MGA: variants seen among roughly 807,000 people sequenced by gnomAD.
The protein encoded by MGA is MAX dimerization protein MGA.
In MGA, 40 loss-of-function variants were observed where a neutral mutation model predicts 261.1. That is an observed-to-expected ratio of 0.15 (90% CI 0.12 to 0.20). The LOEUF is 0.20. Ranked by LOEUF, MGA falls within the 10% of genes least tolerant of loss-of-function variation. The probability of loss-of-function intolerance (pLI) is 1.00; values close to 1 mark genes in which losing one functional copy is unlikely to be tolerated. For synonymous variants in MGA, 1,302 were observed against 1,290.6 expected (o/e 1.01, Z -0.19); for missense variants, 3,397 against 3,630.5 (o/e 0.94, Z 1.65).
rs374918982 is a variant in MGA, at chr15:41,696,680, C to G, written c.1670C>G (p.Ser557Cys). The G allele has an allele frequency of 6.3e-5, 102 of 1,612,666 alleles. No individual in the cohort carries two copies. Among genetic ancestry groups the G allele is most frequent in the Admixed American group, 3.3e-4 (20 of 59,712 alleles). ...CCTCAGTGGAAATATCCTGATATATCTGACAGCATTAGCACAGAAAGAATA... is the reference window on the plus strand; with the variant it reads ...CCTCAGTGGAAATATCCTGATATATGTGACAGCATTAGCACAGAAAGAATA... Residue 557 changes from serine to cysteine, a missense_variant, in exon 3 of 24, where the codon TCT (serine) becomes TGT (cysteine). By Grantham distance (112) the Ser-to-Cys change is moderately radical. This residue lies in a region of MGA where 563 missense variants were observed against 563.6 expected (regional missense o/e 1.00). Transcript: ENST00000219905.
rs763727604 is a variant in MGA, at chr15:41,727,163, C to T, written c.3431-17C>T. 1.3e-6 allele frequency: 2 copies of T among 1,597,246 alleles called. No homozygotes were observed. Among genetic ancestry groups the T allele is most frequent in the South Asian group, 1.1e-5 (1 of 88,910 alleles). The stretch of plus-strand genomic sequence containing the variant: ...TTGCCAAAAGTACCTAAAACCTTAC[C>T]CTTCTTTTTTGTTAAGCTATATGTG... On this transcript the variant is annotated splice_polypyrimidine_tract_variant and intron_variant, in intron 9 of 23. Coordinates refer to ENST00000219905, the MANE Select transcript of MGA (RefSeq NM_001164273.2).
upstream of MGA, among the ~76,000 whole-genome samples, chr15:41,656,682 C>A (rs953648055): frequency 6.6e-6 from 1 of 151,748 alleles, no homozygotes; most frequent in Admixed American, 6.6e-5. Context: ...GATTATATTC[C>A]GTAACATTTC....
Position 41,734,545 on chromosome 15 carries a change from C to G in MGA, c.3867C>G (p.Pro1289=). The change falls in exon 12 of 24, where the codon CCC becomes CCG. Residue 1289 remains proline, a synonymous_variant. Coordinates refer to ENST00000219905, the MANE Select transcript of MGA (RefSeq NM_001164273.2). ...AGGAACCTGATTCTGAACAGCAGCCCTTAAAACAACTCACCTGTGACTTGG... is the reference window on the plus strand; with the variant it reads ...AGGAACCTGATTCTGAACAGCAGCCGTTAAAACAACTCACCTGTGACTTGG... The G allele has an allele frequency of 6.2e-7, 1 of 1,608,878 alleles. No individual in the cohort carries two copies. Among genetic ancestry groups the G allele is most frequent in the East Asian group, 2.2e-5 (1 of 44,686 alleles).
At chr15:41,688,874 C>G (rs896237000) in intron 2 of MGA, among the ~76,000 whole-genome samples, 2 of 152,150 alleles carry the variant, frequency 1.3e-5, no homozygotes, top group Non-Finnish European at 2.9e-5. Context: ...GGTTTGGTTT[C>G]TCATGTCTCA....
In MGA at chr15:41,761,803, T is replaced by A; in HGVS notation, c.7463T>A (p.Leu2488Gln). 1 of 1,598,528 alleles carries A rather than the reference T, an allele frequency of 6.3e-7. No individual in the cohort carries two copies. Among genetic ancestry groups the A allele is most frequent in the African/African-American group, 1.3e-5 (1 of 74,848 alleles). Residue 2488 changes from leucine (L) to glutamine (Q), a missense_variant, in exon 21 of 24, where the codon CTG becomes CAG. Leu to Gln is a moderately radical substitution (Grantham distance 113, BLOSUM62 -2). Around this residue, in one of 9 missense-constraint regions of MGA, gnomAD observed 50 missense variants for 121.5 expected, o/e 0.41. Coordinates refer to ENST00000219905, the MANE Select transcript of MGA (RefSeq NM_001164273.2). ...AAATTGATAGGACAGAAAAATCTCC[T>A]GACTCGAAAACGGAATATTCTGATA...
intron 18 of MGA, 82 bp from the exon 19 acceptor site, chr15:41,757,706 G>A (rs1229023566): frequency 9.3e-7 from 1 of 1,073,322 alleles, no homozygotes; most frequent in South Asian, 1.6e-5. Flanking sequence ...GTTGTAATTT[G>A]GAATGGTTTG....
In MGA at chr15:41,750,136, C is replaced by T. The variant is rs747804918; in HGVS notation, c.6529C>T (p.His2177Tyr). Reference sequence around the variant, plus strand: ...GAAAGACAGGGAAAGATGGAGAAAACATCTGAAGGGCCCCTTAACCAGGAA... The same window carrying T: ...GAAAGACAGGGAAAGATGGAGAAAATATCTGAAGGGCCCCTTAACCAGGAA... Residue 2177 changes from histidine to tyrosine, a missense_variant, in exon 17 of 24, where the codon CAT becomes TAT. Around this residue, in one of 9 missense-constraint regions of MGA, gnomAD observed 1,410 missense variants for 1,386.4 expected, o/e 1.02. Coordinates refer to ENST00000219905, the MANE Select transcript of MGA (RefSeq NM_001164273.2). 3.7e-6 allele frequency: 6 copies of T among 1,613,692 alleles called. No homozygotes were observed. In the Admixed American group the frequency reaches 8.3e-5, roughly 22 times the overall value.
chr15:41,643,729 T>C (rs989707132), intron 1 of MGA, among the ~76,000 whole-genome samples: 21 of 152,152 alleles, frequency 1.4e-4, no homozygotes, highest in South Asian at 2.1e-4. Flanking sequence ...AGGATCTTTT[T>C]TTATCGTGTA....
In MGA at chr15:41,750,313, G is replaced by A; in HGVS notation, c.6706G>A (p.Val2236Ile). The stretch of plus-strand genomic sequence containing the variant: ...AAGTGGAATTACTGAAGATGCCAGA[G>A]TTTTGAAAACTGAATGTGATTCTTG... The change falls in exon 17 of 24, where the codon GTT (valine) becomes ATT (isoleucine). Residue 2236 changes from valine (V) to isoleucine (I), a missense_variant. Physicochemically the swap from Val to Ile is conservative, Grantham distance 29. This residue lies in a region of MGA where 1,410 missense variants were observed against 1,386.4 expected (regional missense o/e 1.02). Transcript: ENST00000219905. 2 of 1,614,036 alleles carry A rather than the reference G, an allele frequency of 1.2e-6. No individual in the cohort carries two copies. Among genetic ancestry groups the A allele is most frequent in the Non-Finnish European group, 1.7e-6 (2 of 1,179,894 alleles).
chr15:41,720,717 C>T (rs569934482), intron 9 of MGA, among the ~76,000 whole-genome samples: 1 of 152,196 alleles, frequency 6.6e-6, no homozygotes, highest in African/African-American at 2.4e-5. Flanking sequence ...CCTGTAATCC[C>T]AGCTACTCTG....
chr15:41,727,219 A>G lies in MGA; in HGVS notation c.3470A>G (p.Tyr1157Cys). The change falls in exon 10 of 24, where the codon TAC becomes TGC. Residue 1157 changes from tyrosine to cysteine, a missense_variant. By Grantham distance (194) the Tyr-to-Cys change is radical. This residue lies in a region of MGA where 519 missense variants were observed against 554.1 expected (regional missense o/e 0.94). Transcript: ENST00000219905. ...GAGCCTGAACAGCCTGTTCGACATT[A>G]CCCATTATGGGTAAAAGTAGAAGGT... is the stretch of plus-strand genomic sequence containing the variant. 1 of 1,613,920 alleles carries G rather than the reference A, an allele frequency of 6.2e-7. No individual in the cohort carries two copies. The highest frequency in any genetic ancestry group is 8.5e-7 in the Non-Finnish European group (1 of 1,179,876).
intron 2 of MGA, among the ~76,000 whole-genome samples, chr15:41,687,990 T>C (rs2085265568): frequency 6.6e-6 from 1 of 152,212 alleles, no homozygotes; most frequent in Non-Finnish European, 1.5e-5. Context: ...AGCTAATATA[T>C]GATTAGGTAC....
chr15:41,629,016 C>T (rs2056527705), intron 1 of MGA, among the ~76,000 whole-genome samples: 1 of 151,062 alleles, frequency 6.6e-6, no homozygotes, highest in Non-Finnish European at 1.5e-5. Context: ...GTGGCGGGCG[C>T]CTGTAGTCGC....
intron 1 of MGA, among the ~76,000 whole-genome samples, chr15:41,641,905 C>T (rs1465277029): frequency 6.6e-6 from 1 of 152,012 alleles, no homozygotes; most frequent in East Asian, 1.9e-4. Flanking sequence ...AAGCAATCCT[C>T]CTGACTCAGC....
At chr15:41,622,144 C>T (rs1185107017) in intron 1 of MGA, among the ~76,000 whole-genome samples, 2 of 152,066 alleles carry the variant, frequency 1.3e-5, no homozygotes, top group African/African-American at 4.8e-5. Flanking sequence ...CCTCCCACAT[C>T]GAAGCGTGGC....
intron 2 of MGA, chr15:41,684,437 A>G (rs980812450): frequency 2.0e-5 from 9 of 446,212 alleles, no homozygotes; most frequent in Non-Finnish European, 3.6e-5. Context: ...GACTTCTCAG[A>G]AGAATGAAAC....
intron 5 of MGA, among the ~76,000 whole-genome samples, chr15:41,707,343 C>G (rs188710356): frequency 6.6e-6 from 1 of 152,172 alleles, no homozygotes; most frequent in South Asian, 2.1e-4. Flanking sequence ...GGATCTGCTT[C>G]CAGTTTCCCT....
chr15:41,741,635 G>C, intron 14 of MGA, among the ~76,000 whole-genome samples: 1 of 152,112 alleles, frequency 6.6e-6, no homozygotes, highest in Non-Finnish European at 1.5e-5. Context: ...TTTTGCTACT[G>C]TATTGTCTTT....
intron 3 of MGA, among the ~76,000 whole-genome samples, chr15:41,697,418 C>CTTT (rs1204938099): frequency 1.3e-4 from 17 of 132,824 alleles, no homozygotes; most frequent in African/African-American, 2.8e-4. Flanking sequence ...TTTTTCTTTT[C>CTTT]TTTTTTTTTT....
Sources: allele counts gnomAD v4.1 joint callset (sites outside exome capture counted in the v4.1 genomes callset), GRCh38; gene constraint gnomAD v4.1.1; regional missense constraint gnomAD v4.1.1; transcripts MANE v1.5; gene names NCBI Gene and HGNC (gene_info 2026-07-23, HGNC 2026-07-21).